The following APOB variants were observed in gnomAD, a reference collection of about 807,000 sequenced individuals.
APOB encodes apolipoprotein B.
A neutral mutation model predicts 314.1 loss-of-function variants in APOB; 153 were observed. The observed-to-expected ratio is 0.49, with a 90% CI of 0.43 to 0.56. APOB has a LOEUF of 0.56. APOB is among the 20% of genes least tolerant of loss of function. The probability of loss-of-function intolerance (pLI) is 0.00; values close to 1 mark genes in which losing one functional copy is unlikely to be tolerated. For synonymous variants in APOB, 2,087 were observed against 2,036.4 expected (o/e 1.02, Z -0.67); for missense variants, 5,430 against 5,350.7 (o/e 1.01, Z -0.46).
chr2:21,028,478 C>G lies in APOB; in HGVS notation c.1678G>C (p.Ala560Pro), dbSNP rs758138708. Residue 560 changes from alanine to proline, a missense_variant, in exon 13 of 29, where the codon GCT becomes CCT. Coordinates refer to ENST00000233242, the MANE Select transcript of APOB (RefSeq NM_000384.3). ...DDASPGDKRL[A>P]AYLMLMRSPS... ...CTCCTCATCAACATAAGATAGGCAG[C>G]CAGTCGCTTATCTCCCGGAGAAGCA... is the stretch of plus-strand genomic sequence containing the variant. The G allele has an allele frequency of 6.2e-7, 1 of 1,614,000 alleles. No homozygotes were observed. Among genetic ancestry groups the G allele is most frequent in the South Asian group, 1.1e-5 (1 of 91,078 alleles).
intron 15 of APOB, among the ~76,000 whole-genome samples, chr2:21,025,791 G>A (rs951847891): frequency 1.1e-4 from 17 of 152,190 alleles, no homozygotes; most frequent in African/African-American, 3.9e-4. Context: ...GCTAAAATGC[G>A]CTTCTGATTC....
At chr2:21,004,781 T>C (rs913346343) in intron 26 of APOB, 106 bp from the exon 27 acceptor site, 2 of 910,378 alleles carry the variant, frequency 2.2e-6, no homozygotes, top group Non-Finnish European at 1.8e-6. Flanking sequence ...ATTTCACTTG[T>C]GTTTAAAATA....
chr2:21,028,045 T>A lies in APOB; in HGVS notation c.1850A>T (p.Glu617Val). The A allele has an allele frequency of 6.2e-7, 1 of 1,611,334 alleles. No individual in the cohort carries two copies. Among genetic ancestry groups the A allele is most frequent in the Non-Finnish European group, 8.5e-7 (1 of 1,177,452 alleles). The change falls in exon 14 of 29, where the codon GAA becomes GTA. Residue 617 changes from glutamate (E) to valine (V), a missense_variant. Around this residue, in one of 3 missense-constraint regions of APOB, gnomAD observed 2,085 missense variants for 2,079.7 expected, o/e 1.00. Transcript: ENST00000233242. ...TGGAAGTTGAGATTCTTTCAGAGCTTCTTTCACTAACTTTTTCAGACTAGA... is the reference window on the plus strand; with the variant it reads ...TGGAAGTTGAGATTCTTTCAGAGCTACTTTCACTAACTTTTTCAGACTAGA... ...DIQDLKKLVK[E>V]ALKESQLPTV...
Position 21,012,589 on chromosome 2 carries a change from G to C in APOB, c.4279C>G (p.Arg1427Gly), listed in dbSNP as rs759979553. ...TFTLSCDGSL[R>G]HKFLDSNIKF... ...ATATTCGAATCTAGAAATTTGTGGC[G>C]TAGAGACCCATCACATGATAGTGTG... The change falls in exon 26 of 29, where the codon CGC (arginine) becomes GGC (glycine). Residue 1427 changes from arginine to glycine, a missense_variant. Physicochemically the swap from Arg to Gly is moderately radical, Grantham distance 125. Coordinates refer to ENST00000233242, the MANE Select transcript of APOB (RefSeq NM_000384.3). 1 of 1,613,268 alleles carries C rather than the reference G, an allele frequency of 6.2e-7. No homozygotes were observed. Among genetic ancestry groups the C allele is most frequent in the Non-Finnish European group, 8.5e-7 (1 of 1,179,480 alleles).
In APOB at chr2:21,001,922, T is replaced by C. The variant is rs141477444; in HGVS notation, c.13500A>G (p.Gln4500=). Residue 4500 remains glutamine, a synonymous_variant, in exon 29 of 29, where the codon CAA becomes CAG. Coordinates refer to ENST00000233242, the MANE Select transcript of APOB (RefSeq NM_000384.3). ...DYHQQFRYKL[Q]DFSDQLSDYY... ...AATCAGAGAGTTGGTCTGAAAAATC[T>C]TGCAGTTTATATCTAAACTGCTGGT... 4.3e-6 allele frequency: 7 copies of C among 1,614,088 alleles called. No homozygotes were observed. Among genetic ancestry groups the C allele is most frequent in the Non-Finnish European group, 5.9e-6 (7 of 1,179,986 alleles).
rs2103347619 is a variant in APOB at position 21,002,774 on chromosome 2, A to G, written c.12648T>C (p.Leu4216=). The change falls in exon 29 of 29, where the codon CTT becomes CTC. Residue 4216 remains leucine, a synonymous_variant. Transcript: ENST00000233242. ...CTACCTCCCTTATGAACATAGTGCA[A>G]AGTTCCTCCCTAGTGTATATCCCAG... is the stretch of plus-strand genomic sequence containing the variant. ...GKPGIYTREE[L]CTMFIREVGT... 1.9e-6 allele frequency: 3 copies of G among 1,608,258 alleles called. No homozygotes were observed. Among genetic ancestry groups the G allele is most frequent in the Non-Finnish European group, 2.6e-6 (3 of 1,176,348 alleles).
intron 24 of APOB, among the ~76,000 whole-genome samples, chr2:21,013,806 C>T (rs1484165410): frequency 1.3e-5 from 2 of 152,104 alleles, no homozygotes; most frequent in Non-Finnish European, 2.9e-5. Flanking sequence ...TTACATAGTC[C>T]CTTGCACCTT....
rs756559649 is a variant in APOB, at chr2:21,014,573, C to A, written c.3717G>T (p.Gln1239His). 1 of 1,614,046 alleles carries A rather than the reference C, an allele frequency of 6.2e-7. No homozygotes were observed. Among genetic ancestry groups the A allele is most frequent in the Non-Finnish European group, 8.5e-7 (1 of 1,179,976 alleles). The change falls in exon 24 of 29, where the codon CAG becomes CAT. Residue 1239 changes from glutamine (Q) to histidine (H), a missense_variant. Physicochemically the swap from Gln to His is conservative, Grantham distance 24. This residue lies in a region of APOB where 2,085 missense variants were observed against 2,079.7 expected (regional missense o/e 1.00). Transcript: ENST00000233242. ...KLIVAMSSWL[Q>H]KASGSLPYTQ... ...TATAAGGAAGACTCCCAGATGCCTTCTGAAGCCATGAGCTCATTGCCTACA... is the reference window on the plus strand; with the variant it reads ...TATAAGGAAGACTCCCAGATGCCTTATGAAGCCATGAGCTCATTGCCTACA...
Position 21,024,892 on chromosome 2 carries a change from C to T in APOB, c.2436+41G>A, listed in dbSNP as rs374106333. The T allele has an allele frequency of 2.1e-5, 33 of 1,608,968 alleles. No individual in the cohort carries two copies. The Admixed American group carries it at 2.2e-4, about 11-fold the overall frequency. On this transcript the variant is annotated intron_variant, in intron 16 of 28. Transcript: ENST00000233242. ...TCTGGGCGATCTAAAAAAAAACCAA[C>T]GTCTGGTCTCATGGGCCCCCAGTGG...
intron 10 of APOB, among the ~76,000 whole-genome samples, chr2:21,030,413 A>G (rs1663844106): frequency 6.6e-6 from 1 of 152,196 alleles, no homozygotes; most frequent in African/African-American, 2.4e-5. Context: ...AGAAGAATAA[A>G]ACTGGACTCC....
At position 21,015,070 on chromosome 2, in the gene APOB, T is replaced by TA. The variant is rs1244762063; in HGVS notation, c.3696+2dup. On this transcript the variant is annotated splice_region_variant and intron_variant, in intron 23 of 28. Transcript: ENST00000233242. ...ATTTATTGACTGGCAGACTCATACT[T>TA]ACAACTATTAATTTGGAACCCACGT... is the stretch of plus-strand genomic sequence containing the variant. 1.9e-6 allele frequency: 3 copies of TA among 1,613,504 alleles called. No individual in the cohort carries two copies. Among genetic ancestry groups the TA allele is most frequent in the African/African-American group, 1.3e-5 (1 of 75,038 alleles).
intron 14 of APOB, 118 bp downstream of exon 14, chr2:21,027,709 AT>A: frequency 4.9e-6 from 4 of 808,844 alleles, no homozygotes; most frequent in Middle Eastern, 2.2e-4. Flanking sequence ...CCTCAGAATC[AT>A]GGTAGGAAGT....
Position 21,010,493 on chromosome 2 carries a change from A to G in APOB, c.6375T>C (p.Tyr2125=). ...GTCTCTCCCAATTGAATGAATTCAG[A>G]TAATCATTAGCTTGCTGTGGGAGTT... is the stretch of plus-strand genomic sequence containing the variant. ...LGKLPQQAND[Y]LNSFNWERQV... Residue 2125 remains tyrosine, a synonymous_variant, in exon 26 of 29, where the codon TAT becomes TAC. Coordinates refer to ENST00000233242, the MANE Select transcript of APOB (RefSeq NM_000384.3). The G allele has an allele frequency of 5.0e-6, 8 of 1,610,592 alleles. No homozygotes were observed. Among genetic ancestry groups the G allele is most frequent in the Non-Finnish European group, 6.8e-6 (8 of 1,177,332 alleles).
chr2:21,007,065 G>A lies in APOB; in HGVS notation c.9803C>T (p.Ser3268Leu), dbSNP rs755753053. ...TTTTGGGAACACATAGCCGAATGCCGACATCTCTATGGTGAATGGAGACAC... is the reference window on the plus strand; with the variant it reads ...TTTTGGGAACACATAGCCGAATGCCAACATCTCTATGGTGAATGGAGACAC... Reference protein sequence around the residue: ...VEVSPFTIEMSAFGYVFPKAV... With the variant: ...VEVSPFTIEMLAFGYVFPKAV... The change falls in exon 26 of 29, where the codon TCG becomes TTG. Residue 3268 changes from serine to leucine, a missense_variant. Ser to Leu is a moderately radical substitution (Grantham distance 145). Transcript: ENST00000233242. 2.2e-5 allele frequency: 36 copies of A among 1,613,854 alleles called. 1 individual carries two copies. Among genetic ancestry groups the A allele is most frequent in the African/African-American group, 2.7e-5 (2 of 74,910 alleles).
rs755014418 is a variant in APOB at position 21,011,147 on chromosome 2, G to A, written c.5721C>T (p.Ile1907=). 2.5e-6 allele frequency: 4 copies of A among 1,614,166 alleles called. No individual in the cohort carries two copies. Among genetic ancestry groups the A allele is most frequent in the Non-Finnish European group, 2.5e-6 (3 of 1,180,012 alleles). The change falls in exon 26 of 29, where the codon ATC becomes ATT. Residue 1907 remains isoleucine (I), a synonymous_variant. Coordinates refer to ENST00000233242, the MANE Select transcript of APOB (RefSeq NM_000384.3). ...RSVMAPFTMT[I]DAHTNGNGKL... Reference sequence around the variant, plus strand: ...TCCCATTGCCATTTGTATGTGCATCGATGGTCATGGTAAACGGGGCCATTA... The same window carrying A: ...TCCCATTGCCATTTGTATGTGCATCAATGGTCATGGTAAACGGGGCCATTA...
intron 18 of APOB, among the ~76,000 whole-genome samples, chr2:21,021,033 C>T (rs1472896278): frequency 6.6e-6 from 1 of 152,204 alleles, no homozygotes; most frequent in African/African-American, 2.4e-5. Flanking sequence ...ACTAATGATT[C>T]CCAAATCCAT....
chr2:21,035,717 G>C lies in APOB; in HGVS notation c.694-9C>G. ...GTTGACAAGGGGCGGGTCTATGAAA[G>C]AGATTGGAGACGAGCATTTTGATCA... On this transcript the variant is annotated splice_polypyrimidine_tract_variant and intron_variant, in intron 6 of 28. Coordinates refer to ENST00000233242, the MANE Select transcript of APOB (RefSeq NM_000384.3). 4.3e-6 allele frequency: 7 copies of C among 1,613,880 alleles called. No individual in the cohort carries two copies. The highest frequency in any genetic ancestry group is 5.9e-6 in the Non-Finnish European group (7 of 1,180,002).
Position 21,008,198 on chromosome 2 carries a change from G to A in APOB, c.8670C>T (p.Phe2890=), listed in dbSNP as rs1262513884. 1 of 1,614,048 alleles carries A rather than the reference G, an allele frequency of 6.2e-7. No individual in the cohort carries two copies. Among genetic ancestry groups the A allele is most frequent in the Middle Eastern group, 1.7e-4 (1 of 6,058 alleles). The change falls in exon 26 of 29, where the codon TTC becomes TTT. Residue 2890 remains phenylalanine, a synonymous_variant. Transcript: ENST00000233242. ...CCAGTTTGGGGATGTTCAATTTGTGGAAGTATTTAGTGTTGCTATCCAGGG... is the reference window on the plus strand; with the variant it reads ...CCAGTTTGGGGATGTTCAATTTGTGAAAGTATTTAGTGTTGCTATCCAGGG... ...QLTLDSNTKY[F]HKLNIPKLDF...
Position 21,008,733 on chromosome 2 carries a change from C to A in APOB, c.8135G>T (p.Arg2712Leu). 1 of 1,614,034 alleles carries A rather than the reference C, an allele frequency of 6.2e-7. No homozygotes were observed. Among genetic ancestry groups the A allele is most frequent in the Non-Finnish European group, 8.5e-7 (1 of 1,179,966 alleles). Residue 2712 changes from arginine (R) to leucine (L), a missense_variant, in exon 26 of 29, where the codon CGT becomes CTT. Coordinates refer to ENST00000233242, the MANE Select transcript of APOB (RefSeq NM_000384.3). ...PLARITLPDF[R>L]LPEIAIPEFI... ...TTCTGGAATTGCGATTTCTGGTAAA[C>A]GGAAGTCTGGCAGGGTGATTCTCGC...
Sources: allele counts gnomAD v4.1 joint callset (sites outside exome capture counted in the v4.1 genomes callset), GRCh38; gene constraint gnomAD v4.1.1; regional missense constraint gnomAD v4.1.1; transcripts MANE v1.5; gene names NCBI Gene and HGNC (gene_info 2026-07-23, HGNC 2026-07-21).